Variants in RGS6 observed in about 807,000 individuals in gnomAD.
RGS6 encodes regulator of G-protein signaling 6.
RGS6 carries 30 observed loss-of-function variants against 78.5 expected under a neutral mutation model. That is an observed-to-expected ratio of 0.38 (90% CI 0.29 to 0.52). The LOEUF is 0.52. RGS6 is among the 20% of genes least tolerant of loss of function. The pLI, the probability that RGS6 is intolerant of heterozygous loss-of-function variation, is 0.85. For missense variants in RGS6, 495 were observed against 609.7 expected (o/e 0.81, Z 1.98); for synonymous variants, 206 against 206.0 (o/e 1.00, Z 0.00).
chr14:72,619,241 A>G, the RGS6 span: 1 of 1,519,848 alleles, frequency 6.6e-7, no homozygotes, highest in Non-Finnish European at 8.8e-7. Context: ...TTCTGGTTTG[A>G]ACTGGGCTCT....
intron 17 of RGS6, chr14:72,540,785 C>T (rs2097314971): frequency 1.0e-6 from 1 of 985,288 alleles, no homozygotes; most frequent in African/African-American, 1.7e-5. Context: ...CCTCCTCAGG[C>T]CTTGATTCTA....
At chr14:72,221,479 G>C (rs963247612) in intron 2 of RGS6, among the ~76,000 whole-genome samples, 1 of 152,080 alleles carries the variant, frequency 6.6e-6, no homozygotes, top group African/African-American at 2.4e-5. Context: ...CTTACTGCGT[G>C]GGCTTGGTCA....
the RGS6 span, among the ~76,000 whole-genome samples, chr14:72,590,765 A>G: frequency 6.6e-6 from 1 of 152,250 alleles, no homozygotes; most frequent in African/African-American, 2.4e-5. Flanking sequence ...ATAAGGTCCA[A>G]CACTGATAAG....
At chr14:72,044,561 A>G (rs1297435094) in intron 2 of RGS6, among the ~76,000 whole-genome samples, 2 of 151,540 alleles carry the variant, frequency 1.3e-5, no homozygotes, top group African/African-American at 4.9e-5. Context: ...TCTGCTTCTG[A>G]TCTTGAACAT....
chr14:72,281,401 G>A (rs932127379), intron 2 of RGS6, among the ~76,000 whole-genome samples: 6 of 151,928 alleles, frequency 3.9e-5, no homozygotes, highest in Non-Finnish European at 5.9e-5. Context: ...CGCCTACCTC[G>A]GCCTCCCAAA....
At chr14:72,600,677 T>C in the RGS6 span, among the ~76,000 whole-genome samples, 2 of 152,080 alleles carry the variant, frequency 1.3e-5, no homozygotes, top group South Asian at 4.1e-4. Flanking sequence ...TTGTCCATGT[T>C]CATGTTCTCA....
intron 3 of RGS6, among the ~76,000 whole-genome samples, chr14:72,427,817 C>A (rs1307108144): frequency 6.6e-6 from 1 of 152,158 alleles, no homozygotes; most frequent in South Asian, 2.1e-4. Context: ...AAGTATCTTA[C>A]TCTTTTTGTT....
chr14:72,236,531 A>G (rs1032379338), intron 2 of RGS6, among the ~76,000 whole-genome samples: 1 of 152,198 alleles, frequency 6.6e-6, no homozygotes, highest in Non-Finnish European at 1.5e-5. Context: ...TTTTTCTCCA[A>G]TTTAAAACTT....
chr14:71,941,347 A>G (rs147225889), intron 1 of RGS6, among the ~76,000 whole-genome samples: 1,529 of 152,262 alleles, frequency 0.01, 34 homozygotes, highest in East Asian at 0.094. Flanking sequence ...TTTTGGGTCT[A>G]ATCATATTAA....
the RGS6 span, among the ~76,000 whole-genome samples, chr14:72,593,817 C>A: frequency 6.6e-6 from 1 of 152,146 alleles, no homozygotes; most frequent in Non-Finnish European, 1.5e-5. Context: ...TTGGGCCACC[C>A]CACCTCTTCT....
intron 2 of RGS6, among the ~76,000 whole-genome samples, chr14:72,348,219 A>G (rs1411625112): frequency 6.6e-6 from 1 of 152,186 alleles, no homozygotes; most frequent in African/African-American, 2.4e-5. Context: ...TAGAAGATGA[A>G]CTTTAGATTT....
chr14:72,130,359 A>T (rs2096288391), intron 2 of RGS6, among the ~76,000 whole-genome samples: 1 of 152,094 alleles, frequency 6.6e-6, no homozygotes, highest in Non-Finnish European at 1.5e-5. Context: ...TTGAGGAAAT[A>T]ATTGGCCATT....
upstream of RGS6, among the ~76,000 whole-genome samples, chr14:71,928,571 T>C (rs530226645): frequency 3.9e-5 from 6 of 152,334 alleles, no homozygotes; most frequent in South Asian, 8.3e-4. Flanking sequence ...AATGAAGTTA[T>C]TGAAACTAAA....
At chr14:72,192,743 T>TTTTC (rs1269849397) in intron 2 of RGS6, among the ~76,000 whole-genome samples, 9 of 152,174 alleles carry the variant, frequency 5.9e-5, no homozygotes, top group African/African-American at 1.9e-4. Flanking sequence ...TAGGATATAA[T>TTTTC]TTTCTTTCTT....
At chr14:72,516,597 G>A (rs1328730517) in intron 14 of RGS6, among the ~76,000 whole-genome samples, 1 of 152,228 alleles carries the variant, frequency 6.6e-6, no homozygotes, top group Non-Finnish European at 1.5e-5. Flanking sequence ...CACCTGCGGA[G>A]AGAAGGCTGG....
intron 2 of RGS6, among the ~76,000 whole-genome samples, chr14:72,040,747 A>G (rs546841669): frequency 8.6e-4 from 131 of 152,070 alleles, no homozygotes; most frequent in African/African-American, 1.5e-3. Context: ...GATCTGCTCA[A>G]TGGTGTTTCT....
At position 72,537,718 on chromosome 14, in the gene RGS6, A is replaced by T. The variant is rs554231543; in HGVS notation, c.1368+1443A>T. ...CCCAGATCTCATGGATGAAGGTCAAAGTAAGTTTTTCTTATTTTCTGTGGC... is the reference window on the plus strand; with the variant it reads ...CCCAGATCTCATGGATGAAGGTCAATGTAAGTTTTTCTTATTTTCTGTGGC... On this transcript the variant is annotated intron_variant, in intron 16 of 17. Coordinates refer to ENST00000553525, the MANE Select transcript of RGS6 (RefSeq NM_001204424.2). 15 of 605,926 alleles carry T rather than the reference A, an allele frequency of 2.5e-5. No homozygotes were observed. The South Asian group carries it at 3.0e-4, about 12-fold the overall frequency. The allele number at this position is 605,926 out of a possible 1,614,324, so 37.5% of individuals were successfully genotyped here. A position where few individuals can be genotyped will look rare whatever the true frequency, so the allele number is the denominator to read the frequency against.
In RGS6 at chr14:71,936,161, A is replaced by G. The variant is rs113279316; in HGVS notation, c.-21+3220A>G. 9.0e-3 allele frequency among the ~76,000 whole-genome samples: 1,362 copies of G among 151,544 alleles called. 17 individuals carry two copies. Among genetic ancestry groups the G allele is most frequent in the African/African-American group, 0.031 (1,299 of 41,258 alleles). Reference sequence around the variant, plus strand: ...GGGAGTTTATTAAGTATTAACTTACATGGTCCCAAGGTCCCACAATAGGCT... The same window carrying G: ...GGGAGTTTATTAAGTATTAACTTACGTGGTCCCAAGGTCCCACAATAGGCT... On this transcript the variant is annotated intron_variant, in intron 1 of 17. Transcript: ENST00000553525.
At chr14:71,991,008 GA>G in intron 2 of RGS6, 1 of 363,960 alleles carries the variant, frequency 2.7e-6, no homozygotes, top group Admixed American at 3.7e-5. Flanking sequence ...CATGCCATGT[GA>G]ATCCAATGCC....
Sources: allele counts gnomAD v4.1 joint callset (sites outside exome capture counted in the v4.1 genomes callset), GRCh38; gene constraint gnomAD v4.1.1; transcripts MANE v1.5; gene names NCBI Gene and HGNC (gene_info 2026-07-23, HGNC 2026-07-21).